KLF7: variants seen among roughly 807,000 people sequenced by gnomAD.
KLF7 encodes the protein Krueppel-like factor 7.
In KLF7, 2 loss-of-function variants were observed where a neutral mutation model predicts 27.3. The observed-to-expected ratio is 0.07, with a 90% CI of 0.03 to 0.23. The LOEUF (loss-of-function observed/expected upper bound fraction) is 0.23. Among genes scored for constraint, KLF7 ranks in the 10% least tolerant of loss-of-function variants. The probability of loss-of-function intolerance (pLI) is 1.00; values close to 1 mark genes in which losing one functional copy is unlikely to be tolerated. For synonymous variants in KLF7, 165 were observed against 162.4 expected (o/e 1.02, Z -0.12); for missense variants, 221 against 394.1 (o/e 0.56, Z 3.72).
intron 3 of KLF7, among the ~76,000 whole-genome samples, chr2:207,085,020 G>A (rs2076354143): frequency 6.6e-6 from 1 of 151,950 alleles, no homozygotes; most frequent in Admixed American, 6.6e-5. Flanking sequence ...AAATTAGCCA[G>A]GCATGGTGGC....
chr2:207,125,974 C>G (rs1378881266), intron 1 of KLF7, among the ~76,000 whole-genome samples: 1 of 152,122 alleles, frequency 6.6e-6, no homozygotes, highest in Non-Finnish European at 1.5e-5. Context: ...GAGTGGACAC[C>G]TAATTCTATA....
At chr2:207,096,367 C>T (rs944007280) in intron 2 of KLF7, among the ~76,000 whole-genome samples, 13 of 152,344 alleles carry the variant, frequency 8.5e-5, no homozygotes, top group Non-Finnish European at 1.6e-4. Flanking sequence ...GTTGCTGCAT[C>T]GCATCAGGAT....
At chr2:207,087,659 C>T (rs1293014825) in intron 3 of KLF7, among the ~76,000 whole-genome samples, 2 of 152,132 alleles carry the variant, frequency 1.3e-5, no homozygotes, top group African/African-American at 2.4e-5. Flanking sequence ...CTTTTAAACA[C>T]AGAAATAGGA....
chr2:207,163,857 G>A (rs917136851), intron 1 of KLF7, among the ~76,000 whole-genome samples: 7 of 152,200 alleles, frequency 4.6e-5, no homozygotes, highest in African/African-American at 1.4e-4. Flanking sequence ...ATTAGCATTG[G>A]AAATAAAAGG....
upstream of KLF7, among the ~76,000 whole-genome samples, chr2:207,167,974 G>A (rs963502121): frequency 1.1e-4 from 16 of 152,290 alleles, no homozygotes; most frequent in Admixed American, 3.9e-4. Context: ...TGGAGATAGA[G>A]GAAAGGTAGA....
chr2:207,109,282 C>G (rs1016402227), intron 2 of KLF7, among the ~76,000 whole-genome samples: 1 of 152,182 alleles, frequency 6.6e-6, no homozygotes, highest in South Asian at 2.1e-4. Flanking sequence ...GTTTTCTTAG[C>G]TATTCTGAAT....
intron 2 of KLF7, among the ~76,000 whole-genome samples, chr2:207,098,566 A>T (rs896587376): frequency 1.3e-5 from 2 of 152,252 alleles, no homozygotes; most frequent in East Asian, 3.9e-4. Flanking sequence ...TGTAAAGATC[A>T]CCATACAGCA....
intron 2 of KLF7, among the ~76,000 whole-genome samples, chr2:207,101,705 G>A (rs2076769147): frequency 1.1e-4 from 17 of 152,170 alleles, no homozygotes; most frequent in Admixed American, 1.1e-3. Context: ...TCAGGGCCTG[G>A]CACAATGTGT....
At chr2:207,140,574 T>C (rs562609847) in intron 1 of KLF7, among the ~76,000 whole-genome samples, 6 of 152,278 alleles carry the variant, frequency 3.9e-5, no homozygotes, top group Admixed American at 2.6e-4. Flanking sequence ...CTCATTCTTG[T>C]ATAAAAATCT....
Position 207,080,303 on chromosome 2 carries a change from A to T in KLF7, c.*910T>A, listed in dbSNP as rs879439008. 6.6e-6 allele frequency: 1 copy of T among 152,320 alleles called. No individual in the cohort carries two copies. The highest frequency in any genetic ancestry group is 1.5e-5 in the Non-Finnish European group (1 of 68,110). The allele number at this position is 152,320 out of a possible 1,614,324, so 9.4% of individuals were successfully genotyped here. On this transcript the variant is annotated 3_prime_UTR_variant, in exon 4 of 4. Coordinates refer to ENST00000309446, the MANE Select transcript of KLF7 (RefSeq NM_003709.4). ...AGTTTTCGTTAGCAAAAACGGAGAG[A>T]TTAAAAAGAAAAAATCTAGCACTGG...
chr2:207,092,486 C>T (rs2076534522), intron 2 of KLF7, among the ~76,000 whole-genome samples: 1 of 152,226 alleles, frequency 6.6e-6, no homozygotes, highest in South Asian at 2.1e-4. Context: ...TAGTATATGC[C>T]ACCTCAGAAG....
intron 3 of KLF7, among the ~76,000 whole-genome samples, 173 bp downstream of exon 3, chr2:207,088,285 T>C (rs921126444): frequency 6.6e-6 from 1 of 152,180 alleles, no homozygotes; most frequent in Non-Finnish European, 1.5e-5. Flanking sequence ...CTTGATTTCA[T>C]GCAAGAGGGC....
At chr2:207,083,147 T>C (rs992778183) in intron 3 of KLF7, among the ~76,000 whole-genome samples, 1 of 152,204 alleles carries the variant, frequency 6.6e-6, no homozygotes, top group African/African-American at 2.4e-5. Flanking sequence ...TAAAACAGTG[T>C]CACTAAGTTT....
At chr2:207,093,419 C>T (rs2076555635) in intron 2 of KLF7, among the ~76,000 whole-genome samples, 1 of 152,190 alleles carries the variant, frequency 6.6e-6, no homozygotes, top group Non-Finnish European at 1.5e-5. Flanking sequence ...AGGCTCCCAC[C>T]TCGAGGCCTT....
At chr2:207,099,190 TG>T (rs2076699579) in intron 2 of KLF7, among the ~76,000 whole-genome samples, 1 of 151,100 alleles carries the variant, frequency 6.6e-6, no homozygotes, top group African/African-American at 2.4e-5. Context: ...GCAAGGAGGG[TG>T]GTACTAAGAA....
chr2:207,094,951 C>G (rs1482504043), intron 2 of KLF7, among the ~76,000 whole-genome samples: 1 of 151,372 alleles, frequency 6.6e-6, no homozygotes, highest in Non-Finnish European at 1.5e-5. Context: ...CTTACTCAAA[C>G]GAGGTCCAAG....
intron 2 of KLF7, among the ~76,000 whole-genome samples, chr2:207,122,887 A>G (rs2105982483): frequency 6.6e-6 from 1 of 152,216 alleles, no homozygotes; most frequent in East Asian, 1.9e-4. Context: ...ACCACCAATC[A>G]CAGTAATTGC....
intron 2 of KLF7, among the ~76,000 whole-genome samples, chr2:207,090,902 T>A (rs1221323392): frequency 1.3e-5 from 2 of 152,056 alleles, no homozygotes; most frequent in African/African-American, 4.8e-5. Flanking sequence ...AAAAGGAGAA[T>A]GAGGCACCTA....
chr2:207,112,076 T>C (rs903640129), intron 2 of KLF7, among the ~76,000 whole-genome samples: 1 of 151,158 alleles, frequency 6.6e-6, no homozygotes, highest in African/African-American at 2.4e-5. Context: ...CACCTCCCTC[T>C]CAAAGTCAGA....
Sources: gnomAD v4.1 joint callset for allele counts (sites outside exome capture counted in the v4.1 genomes callset) on GRCh38, gnomAD v4.1.1 for gene constraint, MANE v1.5 for transcripts, NCBI Gene and HGNC (gene_info 2026-07-23, HGNC 2026-07-21) for gene names.